Variants in ZC2HC1A observed in about 807,000 individuals in gnomAD.
ZC2HC1A encodes the protein zinc finger C2HC-type containing 1A, also known as zinc finger C2HC domain-containing protein 1A.
Under a neutral mutation model 40.7 loss-of-function variants are expected in ZC2HC1A, and 28 were observed. The observed-to-expected ratio is 0.69, with a 90% CI of 0.51 to 0.94. The LOEUF (loss-of-function observed/expected upper bound fraction) is 0.94, where lower values mean the gene tolerates loss of function less well. Ranked by LOEUF, ZC2HC1A falls within the 40% of genes least tolerant of loss-of-function variation. The pLI, the probability that ZC2HC1A is intolerant of heterozygous loss-of-function variation, is 0.00. For synonymous variants in ZC2HC1A, 129 were observed against 129.2 expected, an observed-to-expected ratio of 1.00 and a Z score of 0.01; for missense variants, 389 against 386.3, an observed-to-expected ratio of 1.01 and a Z score of -0.06.
intron 7 of ZC2HC1A, among the ~76,000 whole-genome samples, chr8:78,705,606 A>G (rs1259600616): frequency 6.6e-6 from 1 of 152,076 alleles, no homozygotes; most frequent in Non-Finnish European, 1.5e-5. Context: ...TTATGGGACC[A>G]CTGTGGTGTG....
chr8:78,715,293 CA>C lies in ZC2HC1A; in HGVS notation c.781del (p.Arg261GlufsTer9), dbSNP rs886826236. The C allele has an allele frequency of 1.2e-6, 2 of 1,613,430 alleles. No individual in the cohort carries two copies. Among genetic ancestry groups the C allele is most frequent in the African/African-American group, 2.7e-5 (2 of 74,832 alleles). The stretch of plus-strand genomic sequence containing the variant: ...ATCCTGCCCCAGGTGTGCTTACAAA[CA>C]AAAGAAAAACATATACTGAGAGCTA... ...RNPAPGVLTN[K>X]RKTYTESYIA... On this transcript the variant is annotated frameshift_variant, in exon 8 of 9. Transcript: ENST00000263849. LOFTEE classifies it high-confidence loss of function.
At chr8:78,712,196 A>C (rs1041174555) in intron 7 of ZC2HC1A, 2 of 619,016 alleles carry the variant, frequency 3.2e-6, no homozygotes, top group African/African-American at 4.0e-5. Context: ...TTACTGTCCT[A>C]TACTTAAAAA....
chr8:78,691,829 T>G (rs1810222469), intron 5 of ZC2HC1A, among the ~76,000 whole-genome samples: 1 of 151,300 alleles, frequency 6.6e-6, no homozygotes, highest in African/African-American at 2.4e-5. Context: ...TATGTAACTC[T>G]AGATATTATA....
intron 3 of ZC2HC1A, among the ~76,000 whole-genome samples, chr8:78,679,611 A>C (rs1809699232): frequency 6.6e-6 from 1 of 152,190 alleles, no homozygotes; most frequent in Non-Finnish European, 1.5e-5. Context: ...CTAAGAATAA[A>C]TTACTTAAGA....
intron 1 of ZC2HC1A, among the ~76,000 whole-genome samples, chr8:78,671,822 A>T (rs570552128): frequency 6.6e-6 from 1 of 152,154 alleles, no homozygotes; most frequent in South Asian, 2.1e-4. Context: ...TCGTTCTACC[A>T]TCTGCAGTTG....
At chr8:78,680,105 A>G (rs1364506371) in intron 3 of ZC2HC1A, among the ~76,000 whole-genome samples, 1 of 152,144 alleles carries the variant, frequency 6.6e-6, no homozygotes, top group East Asian at 1.9e-4. Context: ...TGATAGTAGT[A>G]GTATTTATCT....
At chr8:78,699,124 T>C (rs557204175) in intron 7 of ZC2HC1A, among the ~76,000 whole-genome samples, 1,206 of 8,184 alleles carry the variant, frequency 0.15, 5 homozygotes, top group South Asian at 0.39. Context: ...TTTAATAAGG[T>C]GATTCTGTTA....
chr8:78,697,417 C>T lies in ZC2HC1A; in HGVS notation c.515C>T (p.Pro172Leu), dbSNP rs751288773. The T allele has an allele frequency of 6.3e-7, 1 of 1,596,732 alleles. No homozygotes were observed. Among genetic ancestry groups the T allele is most frequent in the Non-Finnish European group, 8.5e-7 (1 of 1,174,294 alleles). ...TTTCCATTATTTTAGTATAAGCCAC[C>T]CGCACTTAAAAAGTCAAATTCTCCT... ...PTSRTQVYKPPALKKSNSPGT... is the reference protein window; with the variant it reads ...PTSRTQVYKPLALKKSNSPGT... Residue 172 changes from proline (P) to leucine (L), a missense_variant, in exon 6 of 9, where the codon CCC becomes CTC. By Grantham distance (98) the Pro-to-Leu change is moderately conservative. Coordinates refer to ENST00000263849, the MANE Select transcript of ZC2HC1A (RefSeq NM_016010.3).
chr8:78,673,997 GA>G (rs1338831672), intron 1 of ZC2HC1A, among the ~76,000 whole-genome samples: 1 of 152,012 alleles, frequency 6.6e-6, no homozygotes. Flanking sequence ...ATAACTTGTG[GA>G]AATTAATGTC....
At chr8:78,677,158 G>T (rs1329713920) in intron 2 of ZC2HC1A, among the ~76,000 whole-genome samples, 2 of 152,022 alleles carry the variant, frequency 1.3e-5, no homozygotes, top group African/African-American at 4.8e-5. Flanking sequence ...AAGTTTGACA[G>T]TTCTACCTTC....
intron 4 of ZC2HC1A, among the ~76,000 whole-genome samples, chr8:78,687,774 ATATATATTTACGTAATACATT>A (rs1563626994): frequency 5.4e-5 from 7 of 129,472 alleles, no homozygotes; most frequent in African/African-American, 1.8e-4. Context: ...AAGACATTAT[ATATATATTTACGTAATACATT>A]ATATATATTC....
rs200970411 is a variant in ZC2HC1A at position 78,669,132 on chromosome 8, TTCTTTA to T, written c.16+2976_16+2981del. Among the ~76,000 whole-genome samples, 1,223 of 152,312 alleles carry T rather than the reference TTCTTTA, an allele frequency of 8.0e-3. 13 individuals are homozygous for T. The highest frequency in any genetic ancestry group is 0.027 in the African/African-American group (1,113 of 41,564). ...AAATGTATACTAGTTTACTGTATAA[TTCTTTA>T]TCTTTATTAATTTATCTAGCATTTA... On this transcript the variant is annotated intron_variant, in intron 1 of 8. Transcript: ENST00000263849.
chr8:78,689,079 G>C (rs529082146), intron 4 of ZC2HC1A, 143 bp from the exon 5 acceptor site: 33 of 449,804 alleles, frequency 7.3e-5, no homozygotes, highest in African/African-American at 5.9e-4. Flanking sequence ...AAGTAAAACT[G>C]GGTAGTTATA....
At chr8:78,705,329 T>C (rs1810736784) in intron 7 of ZC2HC1A, among the ~76,000 whole-genome samples, 1 of 152,200 alleles carries the variant, frequency 6.6e-6, no homozygotes, top group African/African-American at 2.4e-5. Flanking sequence ...TACTTTTCCA[T>C]AGGGCTGCTT....
chr8:78,667,443 G>T (rs1452175059), intron 1 of ZC2HC1A, among the ~76,000 whole-genome samples: 1 of 151,728 alleles, frequency 6.6e-6, no homozygotes, highest in African/African-American at 2.4e-5. Context: ...ATTAAAGCAT[G>T]GGTTATGGAA....
chr8:78,678,460 ATTTGGTCTCAGAT>A (rs1809656325), intron 2 of ZC2HC1A, 90 bp from the exon 3 acceptor site: 2 of 805,750 alleles, frequency 2.5e-6, no homozygotes, highest in African/African-American at 3.5e-5. Context: ...CAGGTTTTTC[ATTTGGTCTCAGAT>A]TTTTAAACTG....
In ZC2HC1A at chr8:78,687,644, A is replaced by C. The variant is rs991121880; in HGVS notation, c.352+1036A>C. Reference sequence around the variant, plus strand: ...TATTTACGTAATACATTATATATATATTTACGTAATACATTATATATATTT... The same window carrying C: ...TATTTACGTAATACATTATATATATCTTTACGTAATACATTATATATATTT... On this transcript the variant is annotated intron_variant, in intron 4 of 8. Coordinates refer to ENST00000263849, the MANE Select transcript of ZC2HC1A (RefSeq NM_016010.3). Among the ~76,000 whole-genome samples, 12 of 130,202 alleles carry C rather than the reference A, an allele frequency of 9.2e-5. No homozygotes were observed. In the East Asian group the frequency reaches 2.6e-3, roughly 28 times the overall value. The allele number at this position is 130,202 out of a possible 152,430, so 85.4% of individuals were successfully genotyped here.
rs780391678 is a variant in ZC2HC1A, at chr8:78,666,107, G to T, written c.-42G>T. Reference sequence around the variant, plus strand: ...TACAGCCAGAGCTGGGCGGTGGCGGGCGCTGCTGAAGGAGTCTCGCTGAGC... The same window carrying T: ...TACAGCCAGAGCTGGGCGGTGGCGGTCGCTGCTGAAGGAGTCTCGCTGAGC... On this transcript the variant is annotated 5_prime_UTR_variant, in exon 1 of 9. Coordinates refer to ENST00000263849, the MANE Select transcript of ZC2HC1A (RefSeq NM_016010.3). 4 of 1,558,102 alleles carry T rather than the reference G, an allele frequency of 2.6e-6. No homozygotes were observed. Among genetic ancestry groups the T allele is most frequent in the South Asian group, 1.2e-5 (1 of 84,586 alleles).
chr8:78,696,831 G>A (rs1810434124), intron 5 of ZC2HC1A, among the ~76,000 whole-genome samples: 2 of 152,118 alleles, frequency 1.3e-5, no homozygotes, highest in Non-Finnish European at 1.5e-5. Context: ...TATATATATG[G>A]AATATAAAAA....
Sources: allele counts gnomAD v4.1 joint callset (sites outside exome capture counted in the v4.1 genomes callset), GRCh38; gene constraint gnomAD v4.1.1; transcripts MANE v1.5; gene names NCBI Gene and HGNC (gene_info 2026-07-23, HGNC 2026-07-21).